Variants in ARHGAP15 observed in about 807,000 individuals in gnomAD.
ARHGAP15 encodes rho GTPase-activating protein 15.
A neutral mutation model predicts 63.7 loss-of-function variants in ARHGAP15; 51 were observed. That is an observed-to-expected ratio of 0.80 (90% CI 0.64 to 1.01). The LOEUF (loss-of-function observed/expected upper bound fraction) is 1.01, where lower values mean the gene tolerates loss of function less well. Ranked by LOEUF, ARHGAP15 falls within the 50% of genes least tolerant of loss-of-function variation. ARHGAP15 has a pLI of 0.00. For missense variants in ARHGAP15, 560 were observed against 564.6 expected, an observed-to-expected ratio of 0.99 and a Z score of 0.08; for synonymous variants, 191 against 193.8, an observed-to-expected ratio of 0.99 and a Z score of 0.12.
At chr2:143,201,850 G>A (rs922015963) in intron 2 of ARHGAP15, among the ~76,000 whole-genome samples, 1 of 152,080 alleles carries the variant, frequency 6.6e-6, no homozygotes, top group Non-Finnish European at 1.5e-5. Flanking sequence ...CAGGCATAAG[G>A]TCTGCCCAGG....
intron 11 of ARHGAP15, chr2:143,608,582 G>T (rs532288974): frequency 3.3e-5 from 5 of 152,126 alleles, no homozygotes; most frequent in African/African-American, 1.2e-4. Flanking sequence ...ACTACTGGTC[G>T]TCTATTGTGT....
chr2:143,550,902 G>A (rs748612360), intron 10 of ARHGAP15, among the ~76,000 whole-genome samples: 19 of 152,142 alleles, frequency 1.2e-4, no homozygotes, highest in Non-Finnish European at 1.9e-4. Context: ...AAACTGGGAA[G>A]GGAAGTGGTA....
At chr2:143,382,137 T>C (rs1020611793) in intron 6 of ARHGAP15, among the ~76,000 whole-genome samples, 5 of 147,304 alleles carry the variant, frequency 3.4e-5, no homozygotes, top group African/African-American at 1.3e-4. Flanking sequence ...TCCCTTCCTT[T>C]CTTTCTTCCT....
chr2:143,490,290 C>G (rs562973479), intron 9 of ARHGAP15, among the ~76,000 whole-genome samples: 57 of 152,180 alleles, frequency 3.7e-4, no homozygotes, highest in Non-Finnish European at 6.3e-4. Context: ...TGAGCCACCA[C>G]GCCCGGCCGG....
At chr2:143,320,899 A>C (rs1224743251) in intron 6 of ARHGAP15, among the ~76,000 whole-genome samples, 6 of 152,236 alleles carry the variant, frequency 3.9e-5, no homozygotes, top group African/African-American at 1.4e-4. Flanking sequence ...AGGTAACAAC[A>C]GATGTACCTG....
chr2:143,288,542 C>G (rs562502317), intron 6 of ARHGAP15, among the ~76,000 whole-genome samples: 1 of 151,966 alleles, frequency 6.6e-6, no homozygotes, highest in Non-Finnish European at 1.5e-5. Flanking sequence ...TAGAAACCTC[C>G]GAGTTATTTT....
intron 11 of ARHGAP15, among the ~76,000 whole-genome samples, chr2:143,618,720 C>G (rs1441080226): frequency 1.3e-5 from 2 of 152,094 alleles, no homozygotes; most frequent in African/African-American, 4.8e-5. Flanking sequence ...TCAAAAAAGA[C>G]TAGGTTAAAA....
chr2:143,640,482 A>G (rs899539020), intron 12 of ARHGAP15, among the ~76,000 whole-genome samples: 1 of 152,092 alleles, frequency 6.6e-6, no homozygotes, highest in African/African-American at 2.4e-5. Flanking sequence ...CATTTTCTAC[A>G]TGTCGAAGAA....
intron 6 of ARHGAP15, among the ~76,000 whole-genome samples, chr2:143,257,647 G>A (rs900903277): frequency 9.2e-5 from 14 of 152,030 alleles, no homozygotes; most frequent in African/African-American, 3.4e-4. Flanking sequence ...TGATGATTTG[G>A]TAGAGCTAGT....
At chr2:143,685,850 A>G (rs1439029813) in intron 12 of ARHGAP15, among the ~76,000 whole-genome samples, 1 of 152,156 alleles carries the variant, frequency 6.6e-6, no homozygotes, top group East Asian at 1.9e-4. Flanking sequence ...GAAATTTGGT[A>G]GTGGTTCAAA....
At chr2:143,269,373 T>C (rs545747118) in intron 6 of ARHGAP15, among the ~76,000 whole-genome samples, 1 of 152,314 alleles carries the variant, frequency 6.6e-6, no homozygotes, top group African/African-American at 2.4e-5. Flanking sequence ...TCATGATCCT[T>C]ACAATCAACT....
chr2:143,291,033 T>C (rs1403372424), intron 6 of ARHGAP15, among the ~76,000 whole-genome samples: 1 of 152,112 alleles, frequency 6.6e-6, no homozygotes, highest in African/African-American at 2.4e-5. Context: ...CACAGTACTG[T>C]TCTGTGGCCT....
At chr2:143,704,177 T>A (rs143018177) in intron 13 of ARHGAP15, among the ~76,000 whole-genome samples, 1 of 152,296 alleles carries the variant, frequency 6.6e-6, no homozygotes, top group African/African-American at 2.4e-5. Flanking sequence ...TAGGTTCTTG[T>A]GGTCCACAGT....
intron 5 of ARHGAP15, among the ~76,000 whole-genome samples, chr2:143,246,987 T>C (rs13033072): frequency 0.17 from 25,859 of 152,106 alleles, 2,370 homozygotes; most frequent in Middle Eastern, 0.25. Context: ...GAATTTGCCT[T>C]AGGAGGCTGT....
At chr2:143,693,762 T>C (rs1683718463) in intron 12 of ARHGAP15, among the ~76,000 whole-genome samples, 1 of 152,186 alleles carries the variant, frequency 6.6e-6, no homozygotes, top group African/African-American at 2.4e-5. Flanking sequence ...TAAAAGAAAT[T>C]TGTTGGAGGA....
chr2:143,296,515 C>A (rs568428340), intron 6 of ARHGAP15, among the ~76,000 whole-genome samples: 1 of 151,982 alleles, frequency 6.6e-6, no homozygotes, highest in Non-Finnish European at 1.5e-5. Flanking sequence ...TAAGTGGAAG[C>A]CATCCGGTAA....
At chr2:143,374,856 G>T (rs1405167870) in intron 6 of ARHGAP15, among the ~76,000 whole-genome samples, 1 of 152,038 alleles carries the variant, frequency 6.6e-6, no homozygotes, top group Non-Finnish European at 1.5e-5. Flanking sequence ...GACTCCTCCA[G>T]GACAGGTATG....
chr2:143,142,241 A>G (rs1689399692), intron 1 of ARHGAP15, among the ~76,000 whole-genome samples: 1 of 152,158 alleles, frequency 6.6e-6, no homozygotes, highest in Non-Finnish European at 1.5e-5. Flanking sequence ...AGCTGCTCCT[A>G]AAAAAGCAGG....
chr2:143,268,531 A>AT (rs905989433), intron 6 of ARHGAP15, among the ~76,000 whole-genome samples: 7 of 151,990 alleles, frequency 4.6e-5, no homozygotes, highest in East Asian at 1.9e-4. Context: ...TGTATAAATC[A>AT]TTTTTTTTCT....
Sources: gnomAD v4.1 joint callset for allele counts (sites outside exome capture counted in the v4.1 genomes callset) on GRCh38, gnomAD v4.1.1 for gene constraint, MANE v1.5 for transcripts, NCBI Gene and HGNC (gene_info 2026-07-23, HGNC 2026-07-21) for gene names.